The following GTF2A1 variants were observed in gnomAD, a reference collection of about 807,000 sequenced individuals.
The protein encoded by GTF2A1 is transcription initiation factor IIA subunit 1.
In GTF2A1, 12 loss-of-function variants were observed where a neutral mutation model predicts 54.1. The observed-to-expected ratio is 0.22, with a 90% confidence interval of 0.14 to 0.36. The LOEUF (loss-of-function observed/expected upper bound fraction) is 0.36. GTF2A1 is among the 10% of genes least tolerant of loss of function. The pLI, the probability that GTF2A1 is intolerant of heterozygous loss-of-function variation, is 1.00. For missense variants in GTF2A1, 335 were observed against 442.2 expected, an observed-to-expected ratio of 0.76 and a Z score of 2.17; for synonymous variants, 145 against 152.0, an observed-to-expected ratio of 0.95 and a Z score of 0.34.
chr14:81,182,365 T>A (rs1222003680), intron 8 of GTF2A1, among the ~76,000 whole-genome samples: 2 of 152,168 alleles, frequency 1.3e-5, no homozygotes, highest in African/African-American at 4.8e-5. Flanking sequence ...TCCAACCAGC[T>A]CCACATGCAG....
chr14:81,196,420 C>T (rs1892995015), intron 5 of GTF2A1, among the ~76,000 whole-genome samples, 179 bp from the exon 6 acceptor site: 1 of 152,200 alleles, frequency 6.6e-6, no homozygotes, highest in Non-Finnish European at 1.5e-5. Flanking sequence ...TCTGACTTCT[C>T]GCCATGTTCA....
In GTF2A1 at chr14:81,197,371, G is replaced by A. The variant is rs1423423997; in HGVS notation, c.478+38C>T. Reference sequence around the variant, plus strand: ...TAAGGGCTAGATAGTACAATTTTCTGAATTACATTTTAAAATGGTTCCATC... The same window carrying A: ...TAAGGGCTAGATAGTACAATTTTCTAAATTACATTTTAAAATGGTTCCATC... On this transcript the variant is annotated intron_variant, in intron 5 of 8. Transcript: ENST00000553612. 1.4e-5 allele frequency: 15 copies of A among 1,071,440 alleles called. No individual in the cohort carries two copies. The Admixed American group carries it at 2.8e-4, about 20-fold the overall frequency. The allele number at this position is 1,071,440 out of a possible 1,614,324, so 66.4% of individuals were successfully genotyped here.
chr14:81,200,584 A>G (rs899228955), intron 4 of GTF2A1, among the ~76,000 whole-genome samples: 1 of 149,784 alleles, frequency 6.7e-6, no homozygotes, highest in Non-Finnish European at 1.5e-5. Flanking sequence ...CCAAGATCAC[A>G]CCACTGCACT....
At chr14:81,214,822 T>A (rs985026342) in intron 2 of GTF2A1, among the ~76,000 whole-genome samples, 10 of 152,188 alleles carry the variant, frequency 6.6e-5, no homozygotes, top group African/African-American at 2.4e-4. Flanking sequence ...TAGCCATATT[T>A]TAGTAAATAA....
At chr14:81,182,101 A>T (rs202075481) in intron 8 of GTF2A1, among the ~76,000 whole-genome samples, 2 of 137,548 alleles carry the variant, frequency 1.5e-5, no homozygotes, top group Admixed American at 1.4e-4. Context: ...TTTGAGACTT[A>T]AAAAAAAAAA....
rs570391362 is a variant in GTF2A1 at position 81,197,775 on chromosome 14, C to A, written c.403-291G>T. On this transcript the variant is annotated intron_variant, in intron 4 of 8. Transcript: ENST00000553612. ...TGCAGTTTTTTTTTCCTTCTTGTCC[C>A]ATCAATCTTCTTTAAGGTACCAAGC... Among the ~76,000 whole-genome samples, 20 of 151,992 alleles carry A rather than the reference C, an allele frequency of 1.3e-4. No homozygotes were observed. The South Asian group carries it at 3.3e-3, about 25-fold the overall frequency.
chr14:81,204,326 TTTC>T (rs756341991), intron 2 of GTF2A1: 21 of 675,480 alleles, frequency 3.1e-5, no homozygotes, highest in Non-Finnish European at 5.4e-5. Context: ...GAAGATTTTG[TTTC>T]TTTTTTTTAT....
intron 6 of GTF2A1, among the ~76,000 whole-genome samples, 199 bp downstream of exon 6, chr14:81,195,909 A>G (rs1892982755): frequency 6.6e-6 from 1 of 152,186 alleles, no homozygotes; most frequent in South Asian, 2.1e-4. Flanking sequence ...AAGGATGGGC[A>G]GAGACAACAG....
At chr14:81,210,083 C>G (rs1893329440) in intron 2 of GTF2A1, 1 of 334,402 alleles carries the variant, frequency 3.0e-6, no homozygotes, top group Non-Finnish European at 5.8e-6. Context: ...ATTCCTGGCT[C>G]CTGCCTAATA....
In GTF2A1 at chr14:81,220,694, A is replaced by T; in HGVS notation, c.-176T>A. On this transcript the variant is annotated 5_prime_UTR_variant, in exon 1 of 9. Coordinates refer to ENST00000553612, the MANE Select transcript of GTF2A1 (RefSeq NM_015859.4). ...AGGGGAGAGCGGAGAGAGGAGGAGG[A>T]GGGGGGCACTCCTCCCGCAGCTGAA... The T allele has an allele frequency of 2.0e-5, 5 of 253,568 alleles. No homozygotes were observed. The highest frequency in any genetic ancestry group is 8.5e-5 in the South Asian group (1 of 11,800). The allele number at this position is 253,568 out of a possible 1,614,324, so 15.7% of individuals were successfully genotyped here. A position where few individuals can be genotyped will look rare whatever the true frequency, so the allele number is the denominator to read the frequency against.
At position 81,178,335 on chromosome 14, in the gene GTF2A1, T is replaced by C. The variant is rs2140142489; in HGVS notation, c.*1888A>G. 1 of 152,272 alleles carries C rather than the reference T, an allele frequency of 6.6e-6. No individual in the cohort carries two copies. Among genetic ancestry groups the C allele is most frequent in the African/African-American group, 2.4e-5 (1 of 41,572 alleles). The allele number at this position is 152,272 out of a possible 1,614,324, so 9.4% of individuals were successfully genotyped here. On this transcript the variant is annotated 3_prime_UTR_variant, in exon 9 of 9. Coordinates refer to ENST00000553612, the MANE Select transcript of GTF2A1 (RefSeq NM_015859.4). ...TGAAGAACAGTTGAACAACAGCACT[T>C]CTGTGATGTTACTCCCTCCCATTTC...
At position 81,202,213 on chromosome 14, in the gene GTF2A1, T is replaced by C. The variant is rs187874786; in HGVS notation, c.338-555A>G. ...AGTTACCTTAACATCTAAACATAAA[T>C]AGTTCTATGCATTCTTAAGTAAACT... On this transcript the variant is annotated intron_variant, in intron 3 of 8. Transcript: ENST00000553612. Among the ~76,000 whole-genome samples, 124 of 152,292 alleles carry C rather than the reference T, an allele frequency of 8.1e-4. 1 individual carries two copies. The highest frequency in any genetic ancestry group is 2.9e-3 in the African/African-American group (121 of 41,562).
At chr14:81,191,312 G>A (rs1428674780) in intron 7 of GTF2A1, among the ~76,000 whole-genome samples, 1 of 152,092 alleles carries the variant, frequency 6.6e-6, no homozygotes, top group Admixed American at 6.5e-5. Flanking sequence ...GAAGTTCAAT[G>A]TTCGGTATAA....
rs988879099 is a variant in GTF2A1, at chr14:81,212,755, C to T, written c.132+3658G>A. ...GCAGTCCAATATGGCAGCAACTAGC[C>T]ATATGTAGTGATTTAAGTTTAGATT... On this transcript the variant is annotated intron_variant, in intron 2 of 8. Coordinates refer to ENST00000553612, the MANE Select transcript of GTF2A1 (RefSeq NM_015859.4). Among the ~76,000 whole-genome samples the T allele has an allele frequency of 6.6e-5, 10 of 152,296 alleles. No individual in the cohort carries two copies. The East Asian group carries it at 1.9e-3, about 29-fold the overall frequency.
intron 2 of GTF2A1, among the ~76,000 whole-genome samples, chr14:81,213,150 C>T (rs919831925): frequency 6.6e-6 from 1 of 152,186 alleles, no homozygotes; most frequent in African/African-American, 2.4e-5. Context: ...CAATCAAATA[C>T]TTACTGAATG....
rs749949255 is a variant in GTF2A1 at position 81,203,909 on chromosome 14, A to T, written c.328T>A (p.Ser110Thr). 6.2e-7 allele frequency: 1 copy of T among 1,612,530 alleles called. No individual in the cohort carries two copies. Among genetic ancestry groups the T allele is most frequent in the East Asian group, 2.2e-5 (1 of 44,878 alleles). ...ACAAGTCCAGTCTCACCTTGCTGTG[A>T]TGCAGGAATAAGAACCTGCTGGGTC... ...AQTQQVLIPASQQATAPQVIV... is the reference protein window; with the variant it reads ...AQTQQVLIPATQQATAPQVIV... Residue 110 changes from serine to threonine, a missense_variant, in exon 3 of 9, where the codon TCA (serine) becomes ACA (threonine). Transcript: ENST00000553612.
At chr14:81,188,459 G>A (rs775062124) in intron 7 of GTF2A1, among the ~76,000 whole-genome samples, 1 of 152,096 alleles carries the variant, frequency 6.6e-6, no homozygotes, top group South Asian at 2.1e-4. Context: ...CTTGTACTCT[G>A]GGTGTCATGT....
At chr14:81,189,595 C>A (rs901772089) in intron 7 of GTF2A1, among the ~76,000 whole-genome samples, 5 of 151,904 alleles carry the variant, frequency 3.3e-5, no homozygotes, top group African/African-American at 4.8e-5. Flanking sequence ...GGCGTAAACC[C>A]GGGGGATGGA....
intron 2 of GTF2A1, among the ~76,000 whole-genome samples, chr14:81,214,565 G>A (rs944798340): frequency 1.3e-4 from 20 of 151,462 alleles, no homozygotes; most frequent in Admixed American, 1.1e-3. Context: ...AGAATGGCAT[G>A]AACCAGGGAG....
Sources: gnomAD v4.1 joint callset for allele counts (sites outside exome capture counted in the v4.1 genomes callset) on GRCh38, gnomAD v4.1.1 for gene constraint, MANE v1.5 for transcripts, NCBI Gene and HGNC (gene_info 2026-07-23, HGNC 2026-07-21) for gene names.